DTNB: variants seen among roughly 807,000 people sequenced by gnomAD.
The protein encoded by DTNB is DTN-B.
In DTNB, 63 loss-of-function variants were observed where a neutral mutation model predicts 90.7. The ratio of observed to expected loss-of-function variants is 0.69; its 90% CI spans 0.57 to 0.86. The LOEUF is 0.86. Among genes scored for constraint, DTNB ranks in the 40% least tolerant of loss-of-function variants. DTNB has a pLI of 0.00. For synonymous variants in DTNB, 277 were observed against 286.7 expected (o/e 0.97, Z 0.34); for missense variants, 744 against 807.1 (o/e 0.92, Z 0.95).
intron 1 of DTNB, chr2:25,672,803 T>G (rs13008531): frequency 0.28 from 43,302 of 151,986 alleles, 6,938 homozygotes; most frequent in Non-Finnish European, 0.38. Flanking sequence ...AAGGTCTTCC[T>G]AATCCCAAGG....
chr2:25,386,150 C>T, intron 18 of DTNB: 1 of 978,578 alleles, frequency 1.0e-6, no homozygotes, highest in Non-Finnish European at 1.2e-6. Context: ...ACAAGAGAGG[C>T]AGCGTCTGAC....
At chr2:25,378,380 G>A (rs1213828992) in intron 20 of DTNB, among the ~76,000 whole-genome samples, 1 of 152,236 alleles carries the variant, frequency 6.6e-6, no homozygotes, top group African/African-American at 2.4e-5. Flanking sequence ...AGTCAGCGCA[G>A]GCCGAGGCTG....
At chr2:25,572,835 A>G (rs1362466861) in intron 8 of DTNB, among the ~76,000 whole-genome samples, 1 of 152,084 alleles carries the variant, frequency 6.6e-6, no homozygotes, top group East Asian at 1.9e-4. Flanking sequence ...CTTTCCTAAG[A>G]CTAATGTAGT....
intron 8 of DTNB, among the ~76,000 whole-genome samples, chr2:25,556,220 T>A (rs2057338409): frequency 7.0e-6 from 1 of 142,792 alleles, no homozygotes; most frequent in Non-Finnish European, 1.5e-5. Flanking sequence ...GCCATGATAC[T>A]CTATGATACT....
At chr2:25,554,445 A>G (rs1363393288) in intron 8 of DTNB, among the ~76,000 whole-genome samples, 2 of 152,308 alleles carry the variant, frequency 1.3e-5, no homozygotes, top group African/African-American at 4.8e-5. Flanking sequence ...TATATTACCC[A>G]TAAGTAAAGC....
rs972491444 is a variant in DTNB, at chr2:25,600,216, C to G, written c.449-3976G>C. On this transcript the variant is annotated intron_variant, in intron 5 of 20. Coordinates refer to ENST00000406818, the MANE Select transcript of DTNB (RefSeq NM_021907.5). ...ACACTGCCAGGTGCCTCAGTATCTT[C>G]TTCCCCTTCTCGCTCACTAGCTGAG... Among the ~76,000 whole-genome samples the G allele has an allele frequency of 1.3e-3, 195 of 152,274 alleles. 1 individual carries two copies. The highest frequency in any genetic ancestry group is 1.8e-4 in the Non-Finnish European group (12 of 68,046).
At chr2:25,541,035 T>TA (rs1234544712) in intron 8 of DTNB, among the ~76,000 whole-genome samples, 16 of 92,044 alleles carry the variant, frequency 1.7e-4, no homozygotes, top group African/African-American at 2.1e-4. Context: ...AATGATCAAT[T>TA]AAAAAAAAAA....
intron 1 of DTNB, among the ~76,000 whole-genome samples, chr2:25,657,523 A>G (rs1251701232): frequency 6.6e-6 from 1 of 152,164 alleles, no homozygotes; most frequent in Non-Finnish European, 1.5e-5. Context: ...GTTCAAGACC[A>G]GCCTGGGCAA....
At chr2:25,580,575 A>T (rs754466913) in intron 7 of DTNB, 146 bp downstream of exon 7, 41 of 826,496 alleles carry the variant, frequency 5.0e-5, no homozygotes, top group Non-Finnish European at 6.9e-5. Context: ...AATTCTTCTG[A>T]AAGCCAAAAC....
intron 16 of DTNB, among the ~76,000 whole-genome samples, chr2:25,398,667 C>T (rs1480183495): frequency 2.6e-5 from 4 of 152,168 alleles, no homozygotes; most frequent in African/African-American, 9.7e-5. Context: ...GGCCCATCCA[C>T]ACTTGACTCT....
At chr2:25,495,866 T>C (rs2068722604) in intron 9 of DTNB, among the ~76,000 whole-genome samples, 1 of 152,250 alleles carries the variant, frequency 6.6e-6, no homozygotes, top group South Asian at 2.1e-4. Flanking sequence ...TTAAGTTTAC[T>C]GATCATTTAC....
chr2:25,453,055 A>C (rs993200528), intron 11 of DTNB, among the ~76,000 whole-genome samples: 1 of 152,126 alleles, frequency 6.6e-6, no homozygotes, highest in Admixed American at 6.6e-5. Context: ...AAAAAAAAAC[A>C]ATAAAAATGA....
intron 19 of DTNB, 156 bp from the exon 20 acceptor site, chr2:25,379,479 A>G: frequency 1.1e-6 from 1 of 918,904 alleles, no homozygotes; most frequent in Non-Finnish European, 1.4e-6. Context: ...CAGGTATGAC[A>G]GCAGGGTAGA....
intron 10 of DTNB, among the ~76,000 whole-genome samples, chr2:25,476,686 G>C (rs1488236041): frequency 6.6e-6 from 1 of 152,192 alleles, no homozygotes; most frequent in African/African-American, 2.4e-5. Context: ...CTGAAGGTGT[G>C]ACTGAATTGC....
intron 12 of DTNB, among the ~76,000 whole-genome samples, chr2:25,443,430 C>A (rs1338579239): frequency 1.3e-5 from 2 of 152,146 alleles, no homozygotes; most frequent in African/African-American, 4.8e-5. Flanking sequence ...TCAAACTGGG[C>A]AAATGTTATA....
At chr2:25,490,074 G>A (rs2067042955) in intron 9 of DTNB, among the ~76,000 whole-genome samples, 1 of 152,154 alleles carries the variant, frequency 6.6e-6, no homozygotes, top group Non-Finnish European at 1.5e-5. Context: ...CCAGGAGTTC[G>A]AGACCAGCCT....
intron 16 of DTNB, among the ~76,000 whole-genome samples, chr2:25,403,633 T>G (rs1260401689): frequency 6.6e-6 from 1 of 152,158 alleles, no homozygotes; most frequent in Non-Finnish European, 1.5e-5. Context: ...ATCAGTGGGG[T>G]TTTAAAATTC....
At position 25,451,471 on chromosome 2, in the gene DTNB, T is replaced by A. The variant is rs1462610409; in HGVS notation, c.1257+77A>T. On this transcript the variant is annotated intron_variant, in intron 12 of 20. Coordinates refer to ENST00000406818, the MANE Select transcript of DTNB (RefSeq NM_021907.5). ...GGTACCTGTTCTCCTAAATTTCATG[T>A]CTACTATTCCCTTTCCATTTGCATA... is the stretch of plus-strand genomic sequence containing the variant. The A allele has an allele frequency of 2.1e-6, 3 of 1,424,846 alleles. No homozygotes were observed. In the African/African-American group the frequency reaches 4.3e-5, roughly 20 times the overall value. 88.3% of individuals were successfully genotyped at this position (1,424,846 alleles called of 1,614,324 possible).
intron 5 of DTNB, among the ~76,000 whole-genome samples, chr2:25,598,396 T>C (rs377254878): frequency 5.9e-5 from 9 of 152,206 alleles, no homozygotes; most frequent in African/African-American, 1.9e-4. Flanking sequence ...ACTTCTTTTA[T>C]GTGAGAGAAA....
Sources: allele counts gnomAD v4.1 joint callset (sites outside exome capture counted in the v4.1 genomes callset), GRCh38; gene constraint gnomAD v4.1.1; transcripts MANE v1.5; gene names NCBI Gene and HGNC (gene_info 2026-07-23, HGNC 2026-07-21).